The following KLB variants were observed in gnomAD, a reference collection of about 807,000 sequenced individuals.
The protein encoded by KLB is klotho beta.
A neutral mutation model predicts 88.4 loss-of-function variants in KLB; 44 were observed. That is an observed-to-expected ratio of 0.50 (90% CI 0.39 to 0.64). The LOEUF is 0.64. KLB is among the 30% of genes least tolerant of loss of function. KLB has a pLI of 0.00. For synonymous variants in KLB, 548 were observed against 513.4 expected (o/e 1.07, Z -0.91); for missense variants, 1,137 against 1,304.8 (o/e 0.87, Z 1.98).
In KLB at chr4:39,434,621, T is replaced by C; in HGVS notation, c.1237T>C (p.Leu413=). ...IKLEYNNPRI[L]IAENGWFTDS... is the part of the protein sequence containing the mutation. ...ACTGGAATACAACAACCCTCGAATC[T>C]TGATTGCTGAGAATGGCTGGTTCAC... Residue 413 remains leucine, a synonymous_variant, in exon 2 of 5, where the codon TTG becomes CTG. Transcript: ENST00000257408. 1 of 1,614,094 alleles carries C rather than the reference T, an allele frequency of 6.2e-7. No individual in the cohort carries two copies.
At position 39,445,174 on chromosome 4, in the gene KLB, C is replaced by T. The variant is rs1370454474; in HGVS notation, c.1606-1158C>T. The stretch of plus-strand genomic sequence containing the variant: ...TGTGTTTGTATAGCGCTTTAGAGTT[C>T]CCAGAGCACCTTCCCAGAGTCACTG... On this transcript the variant is annotated intron_variant, in intron 3 of 4. Coordinates refer to ENST00000257408, the MANE Select transcript of KLB (RefSeq NM_175737.4). Among the ~76,000 whole-genome samples the T allele has an allele frequency of 3.3e-5, 5 of 152,148 alleles. No individual in the cohort carries two copies. In the East Asian group the frequency reaches 9.6e-4, roughly 29 times the overall value.
intron 3 of KLB, among the ~76,000 whole-genome samples, chr4:39,443,808 G>A (rs183251526): frequency 6.6e-6 from 1 of 150,652 alleles, no homozygotes; most frequent in East Asian, 2.0e-4. Context: ...GTTGATACTT[G>A]GGACTCTATG....
At chr4:39,440,132 T>C (rs1218600159) in intron 3 of KLB, among the ~76,000 whole-genome samples, 2 of 151,258 alleles carry the variant, frequency 1.3e-5, no homozygotes, top group African/African-American at 4.9e-5. Flanking sequence ...CTTCTTTTCT[T>C]TTTTCTCTTC....
At chr4:39,441,848 G>A (rs1743605141) in intron 3 of KLB, 1 of 151,848 alleles carries the variant, frequency 6.6e-6, no homozygotes, top group African/African-American at 2.4e-5. Context: ...GGTGCTTTTT[G>A]AAAAATCAGC....
intron 1 of KLB, among the ~76,000 whole-genome samples, chr4:39,413,624 T>C (rs1044675192): frequency 1.3e-5 from 2 of 151,336 alleles, no homozygotes; most frequent in Non-Finnish European, 2.9e-5. Context: ...CTTGGGAGGA[T>C]GAGGTGGGAA....
intron 1 of KLB, 85 bp from the exon 2 acceptor site, chr4:39,434,125 T>A: frequency 7.9e-7 from 1 of 1,272,564 alleles, no homozygotes. Context: ...TGCATTAATT[T>A]TATCCATGAA....
chr4:39,431,340 C>G (rs1451604924), intron 1 of KLB, among the ~76,000 whole-genome samples: 1 of 152,148 alleles, frequency 6.6e-6, no homozygotes, highest in African/African-American at 2.4e-5. Flanking sequence ...CAACCTCCGC[C>G]TCCTGGGTTC....
chr4:39,407,390 T>C lies in KLB; in HGVS notation c.441T>C (p.Ser147=). The part of the protein sequence containing the change: ...DLSALDFIGV[S]FYQFSISWPR... ...CAGCCCTGGATTTTATAGGAGTTTCTTTTTATCAATTTTCAATTTCCTGGC... is the reference window on the plus strand; with the variant it reads ...CAGCCCTGGATTTTATAGGAGTTTCCTTTTATCAATTTTCAATTTCCTGGC... Residue 147 remains serine (S), a synonymous_variant, in exon 1 of 5, where the codon TCT becomes TCC. Coordinates refer to ENST00000257408, the MANE Select transcript of KLB (RefSeq NM_175737.4). 1 of 1,613,560 alleles carries C rather than the reference T, an allele frequency of 6.2e-7. No homozygotes were observed. The highest frequency in any genetic ancestry group is 1.1e-5 in the South Asian group (1 of 91,018).
At chr4:39,420,237 C>T (rs1043534200) in intron 1 of KLB, among the ~76,000 whole-genome samples, 1 of 151,944 alleles carries the variant, frequency 6.6e-6, no homozygotes, top group Non-Finnish European at 1.5e-5. Context: ...CATATCTTGA[C>T]CAGAGATTAC....
chr4:39,446,945 T>C lies in KLB; in HGVS notation c.2219T>C (p.Leu740Pro), dbSNP rs1415690570. The change falls in exon 4 of 5, where the codon CTG (leucine) becomes CCG (proline). Residue 740 changes from leucine to proline, a missense_variant. Around this residue, in one of 4 missense-constraint regions of KLB, gnomAD observed 426 missense variants for 404.6 expected, o/e 1.05. Coordinates refer to ENST00000257408, the MANE Select transcript of KLB (RefSeq NM_175737.4). The surrounding 1 kb of genome is among the most constrained non-coding windows in gnomAD (Gnocchi z 6.4). The stretch of plus-strand genomic sequence containing the variant: ...CCCTCACAGCGCGGGGCCGTGTCGC[T>C]GTCGCTGCACGCGGACTGGGCGGAA... ...FRPSQRGAVS[L>P]SLHADWAEPA... is the part of the protein sequence containing the mutation. The C allele has an allele frequency of 6.2e-7, 1 of 1,605,262 alleles. No individual in the cohort carries two copies. The highest frequency in any genetic ancestry group is 8.5e-7 in the Non-Finnish European group (1 of 1,178,994).
At chr4:39,410,840 T>G (rs1742824181) in intron 1 of KLB, among the ~76,000 whole-genome samples, 1 of 152,162 alleles carries the variant, frequency 6.6e-6, no homozygotes, top group Non-Finnish European at 1.5e-5. Flanking sequence ...GGGGTCCTTT[T>G]CGTTCCAGAA....
At position 39,414,762 on chromosome 4, in the gene KLB, G is replaced by A. The variant is rs377711673; in HGVS notation, c.825+6988G>A. 1.1e-4 allele frequency among the ~76,000 whole-genome samples: 16 copies of A among 150,702 alleles called. 1 individual carries two copies. In the South Asian group the frequency reaches 3.0e-3, roughly 28 times the overall value. On this transcript the variant is annotated intron_variant, in intron 1 of 4. Coordinates refer to ENST00000257408, the MANE Select transcript of KLB (RefSeq NM_175737.4). ...TGGGTGCCTGTAATCCCAGCTACTC[G>A]GGAGGCTGAGGCAGGAGAATTGCTT...
At chr4:39,426,552 G>A (rs147093613) in intron 1 of KLB, among the ~76,000 whole-genome samples, 3 of 147,778 alleles carry the variant, frequency 2.0e-5, no homozygotes, top group African/African-American at 7.4e-5. Flanking sequence ...GTAAAATAAT[G>A]ATTGCAAAAG....
chr4:39,431,095 T>A (rs1442398773), intron 1 of KLB, among the ~76,000 whole-genome samples: 9 of 120,148 alleles, frequency 7.5e-5, no homozygotes, highest in African/African-American at 2.3e-4. Context: ...TTTTGTATTT[T>A]TTTTTTTTTT....
chr4:39,407,563 A>G lies in KLB; in HGVS notation c.614A>G (p.Lys205Arg), dbSNP rs1467009485. 6.2e-7 allele frequency: 1 copy of G among 1,614,092 alleles called. No homozygotes were observed. Among genetic ancestry groups the G allele is most frequent in the South Asian group, 1.1e-5 (1 of 91,076 alleles). Residue 205 changes from lysine to arginine, a missense_variant, in exon 1 of 5, where the codon AAA becomes AGA. Lys to Arg is a conservative substitution (Grantham distance 26). This residue lies in a region of KLB where 597 missense variants were observed against 765.2 expected (regional missense o/e 0.78). Transcript: ENST00000257408. ...GATTTGCCTTTGGCACTACAAGAAA[A>G]ATATGGGGGGTGGAAAAATGATACC... ...HWDLPLALQE[K>R]YGGWKNDTII...
In KLB at chr4:39,407,453, C is replaced by CG; in HGVS notation, c.505dup (p.Ala169GlyfsTer17). On this transcript the variant is annotated frameshift_variant, in exon 1 of 5. Coordinates refer to ENST00000257408, the MANE Select transcript of KLB (RefSeq NM_175737.4). LOFTEE classifies it high-confidence loss of function. ...CCGATGGAATAGTAACAGTTGCCAA[C>CG]GCAAAAGGTCTGCAGTACTACAGTA... 1 of 1,614,122 alleles carries CG rather than the reference C, an allele frequency of 6.2e-7. No individual in the cohort carries two copies.
intron 3 of KLB, among the ~76,000 whole-genome samples, chr4:39,445,541 G>A (rs1488042192): frequency 8.6e-6 from 1 of 115,832 alleles, no homozygotes; most frequent in Non-Finnish European, 1.8e-5. Flanking sequence ...TTTTGCTCTT[G>A]TTGCCGAGGC....
intron 3 of KLB, among the ~76,000 whole-genome samples, chr4:39,443,758 C>CAAAAAA (rs56820388): frequency 2.7e-5 from 3 of 111,100 alleles, no homozygotes; most frequent in Non-Finnish European, 3.7e-5. Context: ...GAGACTTTGT[C>CAAAAAA]AAAAAAAAAA....
intron 3 of KLB, among the ~76,000 whole-genome samples, chr4:39,442,254 A>C (rs947691853): frequency 6.6e-6 from 1 of 152,048 alleles, no homozygotes; most frequent in African/African-American, 2.4e-5. Context: ...AAAAAAAAAA[A>C]ATTACTAAGC....
Sources: gnomAD v4.1 joint callset for allele counts (sites outside exome capture counted in the v4.1 genomes callset) on GRCh38, gnomAD v4.1.1 for gene constraint, gnomAD v4.1.1 regional missense constraint, Gnocchi (gnomAD v3.1) non-coding constraint, MANE v1.5 for transcripts, NCBI Gene and HGNC (gene_info 2026-07-23, HGNC 2026-07-21) for gene names.